The following CSMD3 variants were observed in gnomAD, a reference collection of about 807,000 sequenced individuals.
CSMD3 encodes CUB and Sushi multiple domains 3, also known as CUB and sushi domain-containing protein 3.
A neutral mutation model predicts 435.2 loss-of-function variants in CSMD3; 177 were observed. That is an observed-to-expected ratio of 0.41 (90% confidence interval 0.36 to 0.46). The LOEUF is 0.46. Ranked by LOEUF, CSMD3 falls within the 20% of genes least tolerant of loss-of-function variation. The pLI, the probability that CSMD3 is intolerant of heterozygous loss-of-function variation, is 0.34. For synonymous variants in CSMD3, 1,656 were observed against 1,520.5 expected, an observed-to-expected ratio of 1.09 and a Z score of -2.07; for missense variants, 4,265 against 4,504.6, an observed-to-expected ratio of 0.95 and a Z score of 1.52.
At chr8:112,409,865 T>A (rs1045566238) in intron 32 of CSMD3, among the ~76,000 whole-genome samples, 2 of 151,922 alleles carry the variant, frequency 1.3e-5, no homozygotes, top group African/African-American at 4.8e-5. Flanking sequence ...TTAAATAAAA[T>A]CAGTAACAAA....
chr8:112,258,056 G>T (rs901343614), intron 61 of CSMD3, among the ~76,000 whole-genome samples: 34 of 152,162 alleles, frequency 2.2e-4, no homozygotes, highest in African/African-American at 8.0e-4. Context: ...AATAAACGGT[G>T]TTGGGAAAAC....
intron 5 of CSMD3, among the ~76,000 whole-genome samples, chr8:113,075,669 G>A (rs764400857): frequency 6.6e-6 from 1 of 151,760 alleles, no homozygotes; most frequent in Non-Finnish European, 1.5e-5. Flanking sequence ...TAAGGGTGAT[G>A]AAATATGCCT....
chr8:113,112,894 A>T (rs1362100452), intron 4 of CSMD3, among the ~76,000 whole-genome samples: 3 of 152,170 alleles, frequency 2.0e-5, no homozygotes. Flanking sequence ...CAAGTGGAGT[A>T]CTGGCCTTTT....
At chr8:112,984,747 A>C (rs2085186331) in intron 6 of CSMD3, among the ~76,000 whole-genome samples, 1 of 152,154 alleles carries the variant, frequency 6.6e-6, no homozygotes, top group Admixed American at 6.6e-5. Context: ...ATTTGTACCT[A>C]TTGAAAAAAC....
chr8:112,683,147 T>C (rs1183306863), intron 15 of CSMD3, among the ~76,000 whole-genome samples: 1 of 151,986 alleles, frequency 6.6e-6, no homozygotes, highest in African/African-American at 2.4e-5. Context: ...TAATTTTCCA[T>C]GACATTTATT....
intron 8 of CSMD3, among the ~76,000 whole-genome samples, chr8:112,948,264 G>T (rs2083684176): frequency 6.6e-6 from 1 of 151,848 alleles, no homozygotes; most frequent in Admixed American, 6.6e-5. Context: ...GTTTTATTTG[G>T]ATCCTTATTA....
chr8:113,335,109 G>A (rs900547848), intron 1 of CSMD3, among the ~76,000 whole-genome samples: 13 of 151,960 alleles, frequency 8.6e-5, no homozygotes, highest in Non-Finnish European at 1.5e-4. Flanking sequence ...TTGTTTAAAA[G>A]TGCATAGCAC....
At chr8:113,045,835 G>A (rs559528875) in intron 5 of CSMD3, among the ~76,000 whole-genome samples, 1 of 149,468 alleles carries the variant, frequency 6.7e-6, no homozygotes, top group South Asian at 2.1e-4. Context: ...TTAGACGGAA[G>A]AGTACAAATT....
At chr8:113,307,358 A>G (rs1301005916) in intron 2 of CSMD3, among the ~76,000 whole-genome samples, 1 of 152,144 alleles carries the variant, frequency 6.6e-6, no homozygotes, top group Non-Finnish European at 1.5e-5. Flanking sequence ...CTTAAATAGA[A>G]CAAAATGAAC....
intron 27 of CSMD3, 54 bp downstream of exon 27, chr8:112,550,617 C>G (rs2131187744): frequency 1.1e-6 from 1 of 926,742 alleles, no homozygotes; most frequent in Non-Finnish European, 1.8e-6. Flanking sequence ...GTTAACATGA[C>G]TATTTACATC....
rs2082750521 is a variant in CSMD3 at position 112,921,763 on chromosome 8, TAAAAGAG to T, written c.1509-19_1509-13del. 4 of 1,597,044 alleles carry T rather than the reference TAAAAGAG, an allele frequency of 2.5e-6. No homozygotes were observed. The Admixed American group carries it at 6.7e-5, about 27-fold the overall frequency. On this transcript the variant is annotated splice_polypyrimidine_tract_variant and intron_variant, in intron 9 of 70. Transcript: ENST00000297405. ...CAGTTGATCCAAGGCTAAAGTTAAA[TAAAAGAG>T]AAAAAATATGATAAGAAAGATGCAA...
chr8:113,385,435 G>A (rs1171967849), intron 1 of CSMD3, among the ~76,000 whole-genome samples: 1 of 152,124 alleles, frequency 6.6e-6, no homozygotes, highest in Non-Finnish European at 1.5e-5. Context: ...GATGTAATGT[G>A]TCAAAGAAAA....
intron 10 of CSMD3, among the ~76,000 whole-genome samples, chr8:112,872,134 T>C (rs2081153674): frequency 6.6e-6 from 1 of 152,002 alleles, no homozygotes; most frequent in Non-Finnish European, 1.5e-5. Flanking sequence ...AACACAAGTA[T>C]CTGAAGGTGA....
rs958692007 is a variant in CSMD3, at chr8:112,520,604, A to G, written c.4565-3379T>C. Among the ~76,000 whole-genome samples, 3 of 152,192 alleles carry G rather than the reference A, an allele frequency of 2.0e-5. No individual in the cohort carries two copies. In the East Asian group the frequency reaches 5.8e-4, roughly 29 times the overall value. ...CAATTTGTATCCATTTATTACACAT[A>G]AAAATATGTTGCTGCCTACATTTTT... On this transcript the variant is annotated intron_variant, in intron 27 of 70. Coordinates refer to ENST00000297405, the MANE Select transcript of CSMD3 (RefSeq NM_198123.2).
intron 32 of CSMD3, among the ~76,000 whole-genome samples, chr8:112,429,617 A>G (rs1209246216): frequency 6.6e-6 from 1 of 152,046 alleles, no homozygotes; most frequent in Non-Finnish European, 1.5e-5. Context: ...ATGACTTTAA[A>G]TGGCTCCTCC....
intron 1 of CSMD3, among the ~76,000 whole-genome samples, chr8:113,324,945 G>A (rs1273673937): frequency 3.3e-5 from 5 of 152,214 alleles, no homozygotes; most frequent in Non-Finnish European, 5.9e-5. Context: ...ACTTTAAGAT[G>A]TGACTGCCCT....
intron 22 of CSMD3, among the ~76,000 whole-genome samples, chr8:112,617,380 T>G (rs553051465): frequency 6.6e-6 from 1 of 152,322 alleles, no homozygotes; most frequent in African/African-American, 2.4e-5. Flanking sequence ...ATGGACCAGA[T>G]AAGTGCATGA....
chr8:113,019,992 T>C lies in CSMD3; in HGVS notation c.918-813A>G, dbSNP rs1270557923. Among the ~76,000 whole-genome samples the C allele has an allele frequency of 4.6e-3, 683 of 149,372 alleles. 16 individuals are homozygous for C. Among genetic ancestry groups the C allele is most frequent in the Admixed American group, 0.038 (567 of 15,002 alleles). Reference sequence around the variant, plus strand: ...TCCTGGCTAACAAGGTGAAACCCCGTCTCTACTAAAAATACAAAAAATTAG... The same window carrying C: ...TCCTGGCTAACAAGGTGAAACCCCGCCTCTACTAAAAATACAAAAAATTAG... On this transcript the variant is annotated intron_variant, in intron 5 of 70. Coordinates refer to ENST00000297405, the MANE Select transcript of CSMD3 (RefSeq NM_198123.2).
rs115568609 is a variant in CSMD3 at position 112,234,824 on chromosome 8, C to G, written c.10628-347G>C. On this transcript the variant is annotated intron_variant, in intron 67 of 70. Coordinates refer to ENST00000297405, the MANE Select transcript of CSMD3 (RefSeq NM_198123.2). Reference sequence around the variant, plus strand: ...TTCTAAAATTTTCAAGCATACAAATCCAGTGTTAAAATTCCTGATATTTTC... The same window carrying G: ...TTCTAAAATTTTCAAGCATACAAATGCAGTGTTAAAATTCCTGATATTTTC... Among the ~76,000 whole-genome samples the G allele has an allele frequency of 3.7e-3, 570 of 152,264 alleles. 3 individuals are homozygous for G. The highest frequency in any genetic ancestry group is 0.013 in the African/African-American group (544 of 41,544).
Sources: gnomAD v4.1 joint callset for allele counts (sites outside exome capture counted in the v4.1 genomes callset) on GRCh38, gnomAD v4.1.1 for gene constraint, MANE v1.5 for transcripts, NCBI Gene and HGNC (gene_info 2026-07-23, HGNC 2026-07-21) for gene names.